Variants in PIEZO1 observed in about 807,000 individuals in gnomAD.
The protein encoded by PIEZO1 is piezo-type mechanosensitive ion channel component 1.
A neutral mutation model predicts 297.2 loss-of-function variants in PIEZO1; 296 were observed. That is an observed-to-expected ratio of 1.00 (90% CI 0.91 to 1.10). The LOEUF is 1.10. PIEZO1 is among the 50% of genes least tolerant of loss of function. The probability of loss-of-function intolerance (pLI) is 0.00; values close to 1 mark genes in which losing one functional copy is unlikely to be tolerated. For synonymous variants in PIEZO1, 2,427 were observed against 1,507.5 expected (o/e 1.61, Z -14.13); for missense variants, 5,018 against 3,455.5 (o/e 1.45, Z -11.34).
chr16:88,727,992 AACG>A, intron 22 of PIEZO1: 1 of 202,372 alleles, frequency 4.9e-6, no homozygotes, highest in Middle Eastern at 1.7e-3. Flanking sequence ...CTCTGAAAAC[AACG>A]GCCAGAAGCT....
chr16:88,720,615 C>G lies in PIEZO1; in HGVS notation c.5801+1G>C. 1 of 1,544,624 alleles carries G rather than the reference C, an allele frequency of 6.5e-7. No individual in the cohort carries two copies. Among genetic ancestry groups the G allele is most frequent in the Non-Finnish European group, 8.7e-7 (1 of 1,145,448 alleles). ...AGCTGCCCCCGGCCGCCATCACTCA[C>G]AGGGACAGGCAGAAGCCCTGCAGCC... On this transcript the variant is annotated splice_donor_variant, in intron 40 of 50. Transcript: ENST00000301015. LOFTEE classifies it high-confidence loss of function.
chr16:88,722,682 T>C lies in PIEZO1; in HGVS notation c.4676A>G (p.Glu1559Gly). The C allele has an allele frequency of 1.3e-6, 2 of 1,537,234 alleles. No homozygotes were observed. The highest frequency in any genetic ancestry group is 1.7e-4 in the Middle Eastern group (1 of 5,964). ...CTGATCCAGCACGCCCCTGTGCACT[T>C]CGCCGCCCTGCAGGGCACAGCAGGG... ...LLTQELLQGG[E>G]VHRGVLDQLY... is the part of the protein sequence containing the mutation. Residue 1559 changes from glutamate (E) to glycine (G), a missense_variant, in exon 35 of 51, where the codon GAA (glutamate) becomes GGA (glycine). Coordinates refer to ENST00000301015, the MANE Select transcript of PIEZO1 (RefSeq NM_001142864.4).
rs372984666 is a variant in PIEZO1, at chr16:88,721,281, C to A, written c.5553G>T (p.Thr1851=). The A allele has an allele frequency of 2.6e-6, 4 of 1,544,628 alleles. No individual in the cohort carries two copies. Among genetic ancestry groups the A allele is most frequent in the Non-Finnish European group, 2.6e-6 (3 of 1,146,620 alleles). The change falls in exon 39 of 51, where the codon ACG becomes ACT. Residue 1851 remains threonine (T), a synonymous_variant. Transcript: ENST00000301015. The part of the protein sequence containing the change: ...HIQVEARVGP[T]DGTPEPQVEL... ...CCACTTGGGGTTCTGGGGTCCCGTCCGTGGGTCCGACCCTGGCTTCCACCT... is the reference window on the plus strand; with the variant it reads ...CCACTTGGGGTTCTGGGGTCCCGTCAGTGGGTCCGACCCTGGCTTCCACCT...
At position 88,737,731 on chromosome 16, in the gene PIEZO1, G is replaced by C. The variant is rs1322151907; in HGVS notation, c.1104C>G (p.Asp368Glu). The change falls in exon 9 of 51, where the codon GAC becomes GAG. Residue 368 changes from aspartate (D) to glutamate (E), a missense_variant. Coordinates refer to ENST00000301015, the MANE Select transcript of PIEZO1 (RefSeq NM_001142864.4). ...CTCCACCTGCCTGGCTGCTCACCTG[G>C]TCAGACTCCCGTTCCTGGGGCCACT... ...LDQWPQERESDQHVVPTAPDT... is the reference protein window; with the variant it reads ...LDQWPQERESEQHVVPTAPDT... 2 of 1,535,312 alleles carry C rather than the reference G, an allele frequency of 1.3e-6. No homozygotes were observed. The highest frequency in any genetic ancestry group is 1.7e-6 in the Non-Finnish European group (2 of 1,146,568).
chr16:88,731,924 A>ATGCACTGAGTCTGGGGAT lies in PIEZO1; in HGVS notation c.2992-15_2992-14insATCCCCAGACTCAGTGCA, dbSNP rs1904850913. ...CAGGAAGCAGATCTGGGGAGGGGAGAGGGCGGGGTGTGGGGATGCACTGAG... is the reference window on the plus strand; with the variant it reads ...CAGGAAGCAGATCTGGGGAGGGGAGATGCACTGAGTCTGGGGATGGGCGGGGTGTGGGGATGCACTGAG... On this transcript the variant is annotated splice_polypyrimidine_tract_variant and intron_variant, in intron 21 of 50. Transcript: ENST00000301015. 1.2e-5 allele frequency: 6 copies of ATGCACTGAGTCTGGGGAT among 513,564 alleles called. No homozygotes were observed. Among genetic ancestry groups the ATGCACTGAGTCTGGGGAT allele is most frequent in the Admixed American group, 7.5e-5 (1 of 13,298 alleles). 31.8% of individuals were successfully genotyped at this position (513,564 alleles called of 1,614,324 possible).
chr16:88,719,789 G>A lies in PIEZO1; in HGVS notation c.6323+13C>T, dbSNP rs1912299868. 6.5e-7 allele frequency: 1 copy of A among 1,550,300 alleles called. No individual in the cohort carries two copies. The highest frequency in any genetic ancestry group is 1.4e-5 in the African/African-American group (1 of 73,050). On this transcript the variant is annotated intron_variant, in intron 43 of 50. Coordinates refer to ENST00000301015, the MANE Select transcript of PIEZO1 (RefSeq NM_001142864.4). Reference sequence around the variant, plus strand: ...CCGGGCCGTGACCCCCACCCCGGCGGACCTGCACTCACCCCTGGAAGAGGA... The same window carrying A: ...CCGGGCCGTGACCCCCACCCCGGCGAACCTGCACTCACCCCTGGAAGAGGA...
chr16:88,727,264 C>G, intron 23 of PIEZO1, 72 bp from the exon 24 acceptor site: 1 of 1,433,380 alleles, frequency 7.0e-7, no homozygotes, highest in Non-Finnish European at 9.2e-7. Flanking sequence ...ATAAATCCCA[C>G]CTCCCACCCC....
chr16:88,732,412 G>A lies in PIEZO1; in HGVS notation c.2914C>T (p.Arg972Cys), dbSNP rs756067217. 108 of 1,549,662 alleles carry A rather than the reference G, an allele frequency of 7.0e-5. 1 individual carries two copies. The highest frequency in any genetic ancestry group is 2.7e-4 in the Admixed American group (14 of 50,968). Residue 972 changes from arginine (R) to cysteine (C), a missense_variant, in exon 21 of 51, where the codon CGC (arginine) becomes TGC (cysteine). By Grantham distance (180) the Arg-to-Cys change is radical. Coordinates refer to ENST00000301015, the MANE Select transcript of PIEZO1 (RefSeq NM_001142864.4). The stretch of plus-strand genomic sequence containing the variant: ...AGCAGATCCTGGTCCAGCTGCTGGC[G>A]GGTGCCGCTGGCAAACACGGCCTGG... ...PAQAVFASGT[R>C]QQLDQDLLGC...
Position 88,721,097 on chromosome 16 carries a change from G to C in PIEZO1, c.5668+69C>G, listed in dbSNP as rs180774313. 9.3e-6 allele frequency: 13 copies of C among 1,394,590 alleles called. No individual in the cohort carries two copies. In the African/African-American group the frequency reaches 1.3e-4, roughly 14 times the overall value. The allele number at this position is 1,394,590 out of a possible 1,614,324, so 86.4% of individuals were successfully genotyped here. A position where few individuals can be genotyped will look rare whatever the true frequency, so the allele number is the denominator to read the frequency against. ...GGGCTTGGCCGTCTCATCTGAGAAA[G>C]ACCCTCCCTGCAGTAGCCCCACTCA... On this transcript the variant is annotated intron_variant, in intron 39 of 50. Coordinates refer to ENST00000301015, the MANE Select transcript of PIEZO1 (RefSeq NM_001142864.4).
At chr16:88,758,663 C>T (rs373616260) in intron 1 of PIEZO1, among the ~76,000 whole-genome samples, 33 of 152,326 alleles carry the variant, frequency 2.2e-4, no homozygotes, top group East Asian at 9.6e-4. Flanking sequence ...CCCTGTGGGT[C>T]GTGTCTGTAT....
chr16:88,736,708 CG>C lies in PIEZO1; in HGVS notation c.1226del (p.Ala409GlyfsTer23). ...VRPKRAEPREASPLHSLGHLI... is the reference protein window; with the variant it reads ...VRPKRAEPREXSPLHSLGHLI... ...GGTGGCCCAGGCTGTGGAGCGGAGA[CG>C]CCTCCCTGGGCTCAGCCCGCTTGGG... On this transcript the variant is annotated frameshift_variant, in exon 11 of 51. Transcript: ENST00000301015. LOFTEE classifies it high-confidence loss of function. The C allele has an allele frequency of 6.5e-7, 1 of 1,532,710 alleles. No individual in the cohort carries two copies. The highest frequency in any genetic ancestry group is 8.7e-7 in the Non-Finnish European group (1 of 1,145,436). 94.9% of individuals were successfully genotyped at this position (1,532,710 alleles called of 1,614,324 possible).
rs1389567025 is a variant in PIEZO1, at chr16:88,742,048, C to T, written c.326+5G>A. 2 of 1,535,980 alleles carry T rather than the reference C, an allele frequency of 1.3e-6. No individual in the cohort carries two copies. The highest frequency in any genetic ancestry group is 1.7e-6 in the Non-Finnish European group (2 of 1,146,750). The stretch of plus-strand genomic sequence containing the variant: ...GCTGGTTGGGGGTGGGAGGAATGGT[C>T]TTACCTTGTGACCCCTATGTGTCGC... On this transcript the variant is annotated splice_donor_5th_base_variant and intron_variant, in intron 4 of 50. Transcript: ENST00000301015.
In PIEZO1 at chr16:88,734,891, C is replaced by T. The variant is rs1002016186; in HGVS notation, c.1832G>A (p.Cys611Tyr). 11 of 1,550,250 alleles carry T rather than the reference C, an allele frequency of 7.1e-6. No homozygotes were observed. Among genetic ancestry groups the T allele is most frequent in the Admixed American group, 3.9e-5 (2 of 50,996 alleles). ...KIVYMFLFLL[C>Y]LTLFQVYYSL... Reference sequence around the variant, plus strand: ...CCCAGCCACCTGGAAGAGGGTGAGGCAGAGCAGGAAGAGGAACATGTAGAC... The same window carrying T: ...CCCAGCCACCTGGAAGAGGGTGAGGTAGAGCAGGAAGAGGAACATGTAGAC... The change falls in exon 14 of 51, where the codon TGC becomes TAC. Residue 611 changes from cysteine (C) to tyrosine (Y), a missense_variant. Coordinates refer to ENST00000301015, the MANE Select transcript of PIEZO1 (RefSeq NM_001142864.4).
chr16:88,732,294 G>A, intron 21 of PIEZO1, 41 bp downstream of exon 21: 2 of 1,511,472 alleles, frequency 1.3e-6, no homozygotes, highest in Non-Finnish European at 1.8e-6. Context: ...CCTCCCGAAG[G>A]CCAAGCCCTG....
At chr16:88,768,402 G>A (rs897696175) in intron 1 of PIEZO1, among the ~76,000 whole-genome samples, 3 of 152,250 alleles carry the variant, frequency 2.0e-5, no homozygotes, top group Non-Finnish European at 4.4e-5. Context: ...GGGGGGTGGG[G>A]AGGGGACTGG....
rs573192421 is a variant in PIEZO1 at position 88,753,543 on chromosome 16, G to A, written c.65-4064C>T. On this transcript the variant is annotated intron_variant, in intron 1 of 50. Transcript: ENST00000301015. Reference sequence around the variant, plus strand: ...GGGTCCTCGGAGTAGCCGGCTAGCAGGGCAGGAGTGAGGAGCACTCCTCCA... The same window carrying A: ...GGGTCCTCGGAGTAGCCGGCTAGCAAGGCAGGAGTGAGGAGCACTCCTCCA... Among the ~76,000 whole-genome samples, 6 of 152,180 alleles carry A rather than the reference G, an allele frequency of 3.9e-5. No homozygotes were observed. In the South Asian group the frequency reaches 1.2e-3, roughly 32 times the overall value.
rs1905334494 is a variant in PIEZO1 at position 88,737,749 on chromosome 16, G to T, written c.1086C>A (p.Pro362=). 1 of 1,535,614 alleles carries T rather than the reference G, an allele frequency of 6.5e-7. No homozygotes were observed. The highest frequency in any genetic ancestry group is 1.7e-4 in the Middle Eastern group (1 of 6,008). The change falls in exon 9 of 51, where the codon CCC becomes CCA. Residue 362 remains proline (P), a synonymous_variant. Coordinates refer to ENST00000301015, the MANE Select transcript of PIEZO1 (RefSeq NM_001142864.4). Reference sequence around the variant, plus strand: ...TCACCTGGTCAGACTCCCGTTCCTGGGGCCACTGGTCCAGCTCTGCTAGCT... The same window carrying T: ...TCACCTGGTCAGACTCCCGTTCCTGTGGCCACTGGTCCAGCTCTGCTAGCT... ...ELELAELDQW[P]QERESDQHVV...
At chr16:88,736,095 C>T in intron 12 of PIEZO1, 53 bp downstream of exon 12, 4 of 1,489,622 alleles carry the variant, frequency 2.7e-6, no homozygotes, top group Non-Finnish European at 3.6e-6. Context: ...AGGACGACAA[C>T]CCTGATGGGT....
At chr16:88,782,662 T>C (rs141686019) in intron 1 of PIEZO1, among the ~76,000 whole-genome samples, 2,121 of 152,298 alleles carry the variant, frequency 0.014, 38 homozygotes, top group African/African-American at 0.048. Flanking sequence ...GAAGGCCTCA[T>C]TCATTTCCAA....
Sources: allele counts gnomAD v4.1 joint callset (sites outside exome capture counted in the v4.1 genomes callset), GRCh38; gene constraint gnomAD v4.1.1; transcripts MANE v1.5; gene names NCBI Gene and HGNC (gene_info 2026-07-23, HGNC 2026-07-21).